Variants in KANSL1 observed in about 807,000 individuals in gnomAD.
KANSL1 encodes the protein KAT8 regulatory NSL complex subunit 1, also known as MLL1/MLL complex subunit KANSL1.
In KANSL1, 22 loss-of-function variants were observed where a neutral mutation model predicts 103.6. The ratio of observed to expected loss-of-function variants is 0.21; its 90% confidence interval spans 0.15 to 0.30. The LOEUF (loss-of-function observed/expected upper bound fraction) is 0.30. Among genes scored for constraint, KANSL1 ranks in the 10% least tolerant of loss-of-function variants. The pLI is 1.00. For missense variants in KANSL1, 1,337 were observed against 1,399.8 expected (o/e 0.96, Z 0.72); for synonymous variants, 600 against 527.6 (o/e 1.14, Z -1.88).
chr17:46,070,978 CAAAG>C (rs1489553068), intron 4 of KANSL1, among the ~76,000 whole-genome samples: 4 of 152,116 alleles, frequency 2.6e-5, no homozygotes, highest in African/African-American at 9.7e-5. Context: ...CTTTCTTATA[CAAAG>C]TCTAAAGAAG....
intron 2 of KANSL1, among the ~76,000 whole-genome samples, chr17:46,165,434 G>A (rs1182598395): frequency 1.3e-5 from 2 of 151,908 alleles, no homozygotes; most frequent in East Asian, 1.9e-4. Flanking sequence ...GCGTTTCACC[G>A]TGTTAGCCAG....
At chr17:46,174,542 G>A (rs946739359) in intron 1 of KANSL1, among the ~76,000 whole-genome samples, 6 of 152,200 alleles carry the variant, frequency 3.9e-5, no homozygotes. Flanking sequence ...ATTAATGAAC[G>A]TGAATTTTTG....
intron 3 of KANSL1, among the ~76,000 whole-genome samples, chr17:46,089,362 C>G (rs2079289295): frequency 6.6e-6 from 1 of 151,814 alleles, no homozygotes; most frequent in Non-Finnish European, 1.5e-5. Flanking sequence ...AAACTGGTGT[C>G]TGGATCCTAG....
chr17:46,153,812 T>C (rs887441389), intron 2 of KANSL1, among the ~76,000 whole-genome samples: 2 of 152,182 alleles, frequency 1.3e-5, no homozygotes, highest in African/African-American at 4.8e-5. Flanking sequence ...GGAATCGCAA[T>C]GTGGAGGGAA....
rs1257170915 is a variant in KANSL1, at chr17:46,050,565, G to T, written c.1988C>A (p.Ser663Tyr). Residue 663 changes from serine to tyrosine, a missense_variant, in exon 7 of 15, where the codon TCT becomes TAT. Physicochemically the swap from Ser to Tyr is moderately radical, Grantham distance 144. This residue lies in a region of KANSL1 where 780 missense variants were observed against 923.4 expected (regional missense o/e 0.84). Transcript: ENST00000432791. ...PLLERLSQLDSCVHPVLAFPD... is the reference protein window; with the variant it reads ...PLLERLSQLDYCVHPVLAFPD... ...AAATGCTAGAACAGGATGAACACAA[G>T]AGTCCAACTGGGAAAGACGTTCCAA... The T allele has an allele frequency of 3.1e-6, 5 of 1,614,054 alleles. No homozygotes were observed. The African/African-American group carries it at 4.0e-5, about 13-fold the overall frequency.
At chr17:46,074,381 G>A (rs1278748162) in intron 4 of KANSL1, among the ~76,000 whole-genome samples, 1 of 151,810 alleles carries the variant, frequency 6.6e-6, no homozygotes, top group Non-Finnish European at 1.5e-5. Flanking sequence ...TAAATGAGGG[G>A]GGAAGACACC....
At chr17:46,148,306 TA>T (rs1273005855) in intron 2 of KANSL1, 1 of 152,222 alleles carries the variant, frequency 6.6e-6, no homozygotes, top group African/African-American at 2.4e-5. Context: ...AGGAGGAACA[TA>T]AATCAGTTCT....
At chr17:46,106,152 T>A (rs1270010010) in intron 2 of KANSL1, among the ~76,000 whole-genome samples, 1 of 152,170 alleles carries the variant, frequency 6.6e-6, no homozygotes, top group Non-Finnish European at 1.5e-5. Flanking sequence ...GAAAAGAGTA[T>A]GGTGTCTGGA....
chr17:46,055,948 C>T (rs1319207630), intron 6 of KANSL1, among the ~76,000 whole-genome samples: 1 of 152,208 alleles, frequency 6.6e-6, no homozygotes, highest in Non-Finnish European at 1.5e-5. Flanking sequence ...AAAACGGCTG[C>T]ATTTCTGCCT....
intron 2 of KANSL1, among the ~76,000 whole-genome samples, chr17:46,129,414 T>C (rs2043735483): frequency 6.6e-6 from 1 of 152,192 alleles, no homozygotes; most frequent in Admixed American, 6.5e-5. Context: ...AACGTATATA[T>C]ATAAAAAAAC....
At chr17:46,217,882 T>G (rs1350749510) in intron 1 of KANSL1, among the ~76,000 whole-genome samples, 1 of 152,166 alleles carries the variant, frequency 6.6e-6, no homozygotes, top group Non-Finnish European at 1.5e-5. Flanking sequence ...AAAAATTACC[T>G]GGGCATGGTG....
intron 4 of KANSL1, among the ~76,000 whole-genome samples, chr17:46,068,205 A>G (rs1049331302): frequency 6.6e-6 from 1 of 152,208 alleles, no homozygotes. Context: ...AATGTAGTTA[A>G]TATCTGCTTA....
intron 4 of KANSL1, among the ~76,000 whole-genome samples, chr17:46,069,167 C>T (rs2078488114): frequency 6.6e-6 from 1 of 152,150 alleles, no homozygotes; most frequent in Non-Finnish European, 1.5e-5. Context: ...CTCAACTGAT[C>T]TGCCCTCCTC....
intron 2 of KANSL1, chr17:46,156,953 A>C (rs1457437926): frequency 6.6e-6 from 1 of 152,248 alleles, no homozygotes; most frequent in Non-Finnish European, 1.5e-5. Flanking sequence ...ACAGGAACCA[A>C]GTTTTCAATT....
At chr17:46,048,419 A>C (rs943611520) in intron 7 of KANSL1, among the ~76,000 whole-genome samples, 2 of 151,906 alleles carry the variant, frequency 1.3e-5, no homozygotes, top group African/African-American at 4.8e-5. Flanking sequence ...AATACAAAAA[A>C]ATTAGCCAGG....
At chr17:46,089,982 T>C (rs1202079892) in intron 3 of KANSL1, among the ~76,000 whole-genome samples, 1 of 152,236 alleles carries the variant, frequency 6.6e-6, no homozygotes, top group Non-Finnish European at 1.5e-5. Context: ...CAAATTTATG[T>C]TCACCCAGAA....
At chr17:46,177,736 C>T (rs2046590152) in intron 1 of KANSL1, among the ~76,000 whole-genome samples, 1 of 151,588 alleles carries the variant, frequency 6.6e-6, no homozygotes, top group Admixed American at 6.6e-5. Context: ...AATGGAAATT[C>T]TTAAAGAGCC....
At chr17:46,090,511 T>G (rs2079341446) in intron 3 of KANSL1, among the ~76,000 whole-genome samples, 2 of 152,230 alleles carry the variant, frequency 1.3e-5, no homozygotes, top group African/African-American at 4.8e-5. Flanking sequence ...AGATTATCTA[T>G]GATGTTGTAT....
intron 2 of KANSL1, among the ~76,000 whole-genome samples, chr17:46,106,450 T>C (rs2042571389): frequency 6.6e-6 from 1 of 152,218 alleles, no homozygotes; most frequent in Admixed American, 6.5e-5. Context: ...TGGAGTACAG[T>C]GGTGCGATCT....
Sources: allele counts gnomAD v4.1 joint callset (sites outside exome capture counted in the v4.1 genomes callset), GRCh38; gene constraint gnomAD v4.1.1; regional missense constraint gnomAD v4.1.1; transcripts MANE v1.5; gene names NCBI Gene and HGNC (gene_info 2026-07-23, HGNC 2026-07-21).